The following CAMTA1 variants were observed in gnomAD, a reference collection of about 807,000 sequenced individuals.
CAMTA1 encodes calmodulin-binding transcription activator 1.
Under a neutral mutation model 170.9 loss-of-function variants are expected in CAMTA1, and 27 were observed. The ratio of observed to expected loss-of-function variants is 0.16; its 90% CI spans 0.12 to 0.22. The LOEUF is 0.22. CAMTA1 is among the 10% of genes least tolerant of loss of function. The pLI, the probability that CAMTA1 is intolerant of heterozygous loss-of-function variation, is 1.00. For synonymous variants in CAMTA1, 833 were observed against 891.5 expected (o/e 0.93, Z 1.17); for missense variants, 1,619 against 2,217.2 (o/e 0.73, Z 5.42).
rs888833966 is a variant in CAMTA1, at chr1:7,195,676, A to G, written c.303-53815A>G. The stretch of plus-strand genomic sequence containing the variant: ...TGAGGAGGTTGGCTTGTGAGTGCTT[A>G]TATTTAGCCAGCCATTGCTCACAGC... On this transcript the variant is annotated intron_variant, in intron 4 of 22. Transcript: ENST00000303635. This position sits in a 1 kb window ranked among gnomAD's most constrained non-coding sequence, Gnocchi z 4.1. Among the ~76,000 whole-genome samples, 6 of 152,178 alleles carry G rather than the reference A, an allele frequency of 3.9e-5. No homozygotes were observed. Among genetic ancestry groups the G allele is most frequent in the African/African-American group, 1.2e-4 (5 of 41,436 alleles).
chr1:7,644,707 C>T (rs2095791047), intron 7 of CAMTA1, among the ~76,000 whole-genome samples: 1 of 152,224 alleles, frequency 6.6e-6, no homozygotes, highest in African/African-American at 2.4e-5. Flanking sequence ...TTGCATACAT[C>T]ATTTCATCTC....
chr1:6,875,994 CCAA>C (rs1469312717), intron 3 of CAMTA1, among the ~76,000 whole-genome samples: 1 of 152,160 alleles, frequency 6.6e-6, no homozygotes, highest in Non-Finnish European at 1.5e-5. Flanking sequence ...AGTTGTTCAG[CCAA>C]CAATTGTTAG....
At chr1:7,670,233 G>C (rs2096046528) in intron 9 of CAMTA1, among the ~76,000 whole-genome samples, 1 of 152,172 alleles carries the variant, frequency 6.6e-6, no homozygotes, top group African/African-American at 2.4e-5. Flanking sequence ...GGAGGGGGCA[G>C]ATGCTCAGCC....
At chr1:6,951,460 CAT>C (rs902837258) in intron 3 of CAMTA1, among the ~76,000 whole-genome samples, 1 of 152,172 alleles carries the variant, frequency 6.6e-6, no homozygotes, top group Non-Finnish European at 1.5e-5. Context: ...AAGCCTGGCA[CAT>C]ATTGGATGCA....
At position 6,942,984 on chromosome 1, in the gene CAMTA1, C is replaced by T. The variant is rs1052929547; in HGVS notation, c.234+117774C>T. Among the ~76,000 whole-genome samples the T allele has an allele frequency of 9.2e-5, 14 of 152,320 alleles. 1 individual carries two copies. Among genetic ancestry groups the T allele is most frequent in the East Asian group, 1.9e-4 (1 of 5,178 alleles). On this transcript the variant is annotated intron_variant, in intron 3 of 22. Transcript: ENST00000303635. ...AACGAGAACACGAATGCAGAGGCCCCGGCTCCAGCTTCCAGTGATTTCTGT... is the reference window on the plus strand; with the variant it reads ...AACGAGAACACGAATGCAGAGGCCCTGGCTCCAGCTTCCAGTGATTTCTGT...
intron 11 of CAMTA1, among the ~76,000 whole-genome samples, chr1:7,691,793 G>A (rs182728807): frequency 1.1e-3 from 167 of 152,292 alleles, no homozygotes; most frequent in Admixed American, 3.8e-3. Context: ...CGTGGAGGTG[G>A]CACTGAATAA....
chr1:7,398,332 C>T (rs2089604526), intron 5 of CAMTA1, among the ~76,000 whole-genome samples: 3 of 148,064 alleles, frequency 2.0e-5, no homozygotes, highest in South Asian at 2.1e-4. Flanking sequence ...TATTATATAG[C>T]GAGTGTCTTT....
At chr1:7,199,061 C>T (rs548372470) in intron 4 of CAMTA1, among the ~76,000 whole-genome samples, 3 of 152,218 alleles carry the variant, frequency 2.0e-5, no homozygotes, top group Non-Finnish European at 2.9e-5. Context: ...TTTTCCCCCC[C>T]ACTTCTCTCC....
chr1:7,350,977 C>T (rs140956383), intron 5 of CAMTA1, among the ~76,000 whole-genome samples: 1 of 152,260 alleles, frequency 6.6e-6, no homozygotes, highest in African/African-American at 2.4e-5. Flanking sequence ...TAGGGCACTT[C>T]TCTGCCCCAG....
intron 11 of CAMTA1, among the ~76,000 whole-genome samples, chr1:7,678,686 G>C (rs182451744): frequency 6.6e-6 from 1 of 152,194 alleles, no homozygotes; most frequent in African/African-American, 2.4e-5. Context: ...TCAGTATCAG[G>C]TGAGCCCACA....
Position 6,974,623 on chromosome 1 carries a change from C to T in CAMTA1, c.235-116681C>T, listed in dbSNP as rs1211596281. Among the ~76,000 whole-genome samples the T allele has an allele frequency of 3.3e-5, 5 of 152,130 alleles. No homozygotes were observed. In the East Asian group the frequency reaches 5.8e-4, roughly 18 times the overall value. On this transcript the variant is annotated intron_variant, in intron 3 of 22. Coordinates refer to ENST00000303635, the MANE Select transcript of CAMTA1 (RefSeq NM_015215.4). ...ATGTTGGTCGGGCAGGGAGGCTGCTCGGAGGGAGTCTTTGAGGAAGCCGAC... is the reference window on the plus strand; with the variant it reads ...ATGTTGGTCGGGCAGGGAGGCTGCTTGGAGGGAGTCTTTGAGGAAGCCGAC...
intron 5 of CAMTA1, among the ~76,000 whole-genome samples, chr1:7,262,723 C>T (rs1038435964): frequency 2.0e-5 from 3 of 152,196 alleles, no homozygotes; most frequent in East Asian, 1.9e-4. Flanking sequence ...CCAGCCTGGG[C>T]GATGCCATTT....
At chr1:6,899,142 T>G (rs923987586) in intron 3 of CAMTA1, among the ~76,000 whole-genome samples, 1 of 152,218 alleles carries the variant, frequency 6.6e-6, no homozygotes, top group Non-Finnish European at 1.5e-5. Flanking sequence ...TCCCCATCTT[T>G]GATGCACTGT....
At chr1:6,793,275 A>G (rs1274579040) in intron 1 of CAMTA1, among the ~76,000 whole-genome samples, 2 of 152,178 alleles carry the variant, frequency 1.3e-5, no homozygotes, top group African/African-American at 4.8e-5. Context: ...GACATAGAGC[A>G]TTCATTCGTT....
chr1:7,074,071 C>A (rs1328160968), intron 3 of CAMTA1, among the ~76,000 whole-genome samples: 1 of 152,176 alleles, frequency 6.6e-6, no homozygotes, highest in Non-Finnish European at 1.5e-5. Flanking sequence ...GCAGGAGGAT[C>A]TGCCCTGGTG....
intron 4 of CAMTA1, among the ~76,000 whole-genome samples, chr1:7,221,488 C>T (rs1477703241): frequency 6.6e-6 from 1 of 152,194 alleles, no homozygotes; most frequent in African/African-American, 2.4e-5. Context: ...CCTCCAGAAT[C>T]AGACCTGTTC....
rs983597755 is a variant in CAMTA1 at position 6,824,774 on chromosome 1, A to G, written c.116-318A>G. 3.9e-5 allele frequency among the ~76,000 whole-genome samples: 6 copies of G among 152,216 alleles called. No individual in the cohort carries two copies. In the East Asian group the frequency reaches 1.2e-3, roughly 29 times the overall value. ...TTGTGAGGTTAATTTTATAATTTTT[A>G]TGTGCTTCATCAAAACATGGGGAAA... On this transcript the variant is annotated intron_variant, in intron 2 of 22. Transcript: ENST00000303635.
Position 7,158,031 on chromosome 1 carries a change from C to T in CAMTA1, c.302+66660C>T, listed in dbSNP as rs543757453. ...AAGATTAGCCAGGCGTGGTGGTGGG[C>T]GCCTGTAGTCCCAGCTACTCGGGAG... On this transcript the variant is annotated intron_variant, in intron 4 of 22. Transcript: ENST00000303635. Among the ~76,000 whole-genome samples, 15 of 152,166 alleles carry T rather than the reference C, an allele frequency of 9.9e-5. No individual in the cohort carries two copies. The East Asian group carries it at 1.9e-3, about 20-fold the overall frequency.
intron 5 of CAMTA1, among the ~76,000 whole-genome samples, chr1:7,281,348 G>T (rs1671479389): frequency 6.6e-6 from 1 of 152,162 alleles, no homozygotes; most frequent in Non-Finnish European, 1.5e-5. Flanking sequence ...TATGTCAAAG[G>T]CCTGGTCTGC....
Sources: allele counts gnomAD v4.1 joint callset (sites outside exome capture counted in the v4.1 genomes callset), GRCh38; gene constraint gnomAD v4.1.1; non-coding constraint Gnocchi (gnomAD v3.1); transcripts MANE v1.5; gene names NCBI Gene and HGNC (gene_info 2026-07-23, HGNC 2026-07-21).